Variants in FAM153A observed in about 807,000 individuals in gnomAD.
The protein encoded by FAM153A is protein FAM153A.
FAM153A carries 12 observed loss-of-function variants against 48.1 expected under a neutral mutation model. That is an observed-to-expected ratio of 0.25 (90% CI 0.16 to 0.40). FAM153A has a LOEUF of 0.40. FAM153A is among the 10% of genes least tolerant of loss of function. The pLI, the probability that FAM153A is intolerant of heterozygous loss-of-function variation, is 1.00. For synonymous variants in FAM153A, 36 were observed against 118.2 expected, an observed-to-expected ratio of 0.30 and a Z score of 4.51; for missense variants, 111 against 345.8, an observed-to-expected ratio of 0.32 and a Z score of 5.38.
intron 16 of FAM153A, among the ~76,000 whole-genome samples, chr5:177,730,664 G>C (rs1397187877): frequency 8.2e-3 from 1,127 of 136,608 alleles, no homozygotes; most frequent in African/African-American, 0.026. Flanking sequence ...GTTGGCCTAG[G>C]AAGAAACTAT....
At position 177,771,328 on chromosome 5, in the gene FAM153A, T is replaced by A. The variant is rs1735942813; in HGVS notation, c.-57+9121A>T. ...CCCTTTCACTGAAAGGTTAAAGAGA[T>A]AAGAAGGACAGATTATAATTGCTTA... On this transcript the variant is annotated intron_variant, in intron 1 of 8. Coordinates refer to the FAM153A transcript ENST00000393518. Among the ~76,000 whole-genome samples, 2 of 97,452 alleles carry A rather than the reference T, an allele frequency of 2.1e-5. 1 individual carries two copies. Among genetic ancestry groups the A allele is most frequent in the South Asian group, 7.4e-4 (2 of 2,720 alleles). The allele number at this position is 97,452 out of a possible 152,430, so 63.9% of individuals were successfully genotyped here. A position where few individuals can be genotyped will look rare whatever the true frequency, so the allele number is the denominator to read the frequency against.
downstream of FAM153A, among the ~76,000 whole-genome samples, chr5:177,709,128 AAAAAGAAAG>A (rs1758138780): frequency 2.2e-5 from 3 of 139,374 alleles, no homozygotes; most frequent in African/African-American, 8.6e-5. Flanking sequence ...AAAAAAAAAA[AAAAAGAAAG>A]AAAAGCCTAG....
the FAM153A span, among the ~76,000 whole-genome samples, chr5:177,696,139 C>T: frequency 1.5e-5 from 2 of 136,576 alleles, no homozygotes; most frequent in Non-Finnish European, 1.5e-5. Context: ...TCCTCACTTC[C>T]CAGACGGGGT....
intron 1 of FAM153A, among the ~76,000 whole-genome samples, chr5:177,765,256 A>G (rs113610350): frequency 0.014 from 1,371 of 97,138 alleles, 481 homozygotes; most frequent in African/African-American, 0.054. Context: ...TAAAGACAAC[A>G]GTGAACATCT....
upstream of FAM153A, among the ~76,000 whole-genome samples, chr5:177,781,885 AT>A (rs1278832484): frequency 0.085 from 5,718 of 67,162 alleles, 1,291 homozygotes; most frequent in African/African-American, 0.13. Flanking sequence ...CGCCCGGCTA[AT>A]TTTTTTTTTT....
chr5:177,707,572 C>A (rs1757977014), downstream of FAM153A, among the ~76,000 whole-genome samples: 1 of 151,740 alleles, frequency 6.6e-6, no homozygotes, highest in Non-Finnish European at 1.5e-5. Context: ...TGTTTTCTTT[C>A]ATTTGTAACA....
chr5:177,753,392 A>C (rs549030585), upstream of FAM153A: 123 of 460,644 alleles, frequency 2.7e-4, no homozygotes, highest in African/African-American at 2.8e-3. Context: ...GTCCATTGTC[A>C]CATCGACAAG....
At chr5:177,699,327 A>G in the FAM153A span, among the ~76,000 whole-genome samples, 1 of 151,400 alleles carries the variant, frequency 6.6e-6, no homozygotes, top group Non-Finnish European at 1.5e-5. Flanking sequence ...AGAAGGAAGG[A>G]AATATTAATG....
chr5:177,778,979 G>C (rs1181183184), intron 1 of FAM153A, among the ~76,000 whole-genome samples: 1 of 113,756 alleles, frequency 8.8e-6, no homozygotes, highest in Admixed American at 9.1e-5. Context: ...CATAGAGAGA[G>C]CCCATCTCTT....
rs560432399 is a variant in FAM153A at position 177,740,595 on chromosome 5, T to C, written c.466+182A>G. On this transcript the variant is annotated intron_variant, in intron 8 of 20. Coordinates refer to ENST00000614127, the Ensembl canonical transcript of FAM153A. ...CCCTGATTGTTCTCTGCATTTTTTTTTTTTGAGATGAAATCTCACTGTGTT... is the reference window on the plus strand; with the variant it reads ...CCCTGATTGTTCTCTGCATTTTTTTCTTTTGAGATGAAATCTCACTGTGTT... Among the ~76,000 whole-genome samples, 12 of 119,424 alleles carry C rather than the reference T, an allele frequency of 1.0e-4. 3 individuals are homozygous for C. The highest frequency in any genetic ancestry group is 3.3e-4 in the African/African-American group (12 of 35,824). 78.3% of individuals were successfully genotyped at this position (119,424 alleles called of 152,430 possible). A position where few individuals can be genotyped will look rare whatever the true frequency, so the allele number is the denominator to read the frequency against.
upstream of FAM153A, among the ~76,000 whole-genome samples, chr5:177,754,711 C>T (rs1276480764): frequency 6.6e-6 from 1 of 151,876 alleles, no homozygotes; most frequent in African/African-American, 2.4e-5. Flanking sequence ...CCACTGCTGA[C>T]ACCCAGGCAA....
downstream of FAM153A, among the ~76,000 whole-genome samples, chr5:177,717,721 T>C (rs1760174443): frequency 8.1e-6 from 1 of 124,156 alleles, no homozygotes; most frequent in Non-Finnish European, 1.7e-5. Flanking sequence ...AATTAGGCAT[T>C]ATTCCCTGTT....
At chr5:177,728,554 T>G (rs1267870647) in intron 18 of FAM153A, among the ~76,000 whole-genome samples, 5 of 53,900 alleles carry the variant, frequency 9.3e-5, no homozygotes, top group Admixed American at 2.2e-4. Context: ...TGTTGGGGTG[T>G]TTTTTTTTTT....
downstream of FAM153A, among the ~76,000 whole-genome samples, chr5:177,719,578 AT>A (rs955334627): frequency 3.1e-4 from 44 of 141,034 alleles, no homozygotes; most frequent in Non-Finnish European, 4.4e-4. Context: ...TTATTTATTT[AT>A]TTTTTTTTCG....
At chr5:177,752,618 C>A (rs1188459717) in intron 1 of FAM153A, among the ~76,000 whole-genome samples, 3 of 31,014 alleles carry the variant, frequency 9.7e-5, no homozygotes, top group East Asian at 9.7e-4. Flanking sequence ...GAGACTCTGC[C>A]AAAAAAAAAA....
rs371457895 is a variant in FAM153A, at chr5:177,739,168, G to A, written c.538-31C>T. On this transcript the variant is annotated intron_variant, in intron 9 of 20. Transcript: ENST00000614127. The stretch of plus-strand genomic sequence containing the variant: ...TTTAGAGAAAGAAAAACACCATGAG[G>A]GTAAGATCATGCTGTCTCTGTGCAC... The A allele has an allele frequency of 1.9e-6, 3 of 1,611,228 alleles. No individual in the cohort carries two copies. In the African/African-American group the frequency reaches 4.1e-5, roughly 22 times the overall value.
intron 25 of FAM153A, among the ~76,000 whole-genome samples, chr5:177,715,824 C>T (rs1027795509): frequency 6.6e-6 from 1 of 151,596 alleles, no homozygotes; most frequent in Admixed American, 6.6e-5. Context: ...CCAACTCAGC[C>T]TCCTGCGCAG....
At chr5:177,728,849 G>C (rs1460605829) in intron 18 of FAM153A, among the ~76,000 whole-genome samples, 174 bp downstream of exon 20, 1 of 147,380 alleles carries the variant, frequency 6.8e-6, no homozygotes, top group African/African-American at 2.6e-5. Flanking sequence ...TTACAGGCGT[G>C]AGCCACTGTG....
chr5:177,737,586 T>A (rs921299966), intron 10 of FAM153A, among the ~76,000 whole-genome samples: 2 of 151,364 alleles, frequency 1.3e-5, no homozygotes, highest in African/African-American at 4.9e-5. Context: ...AATTGTGCAA[T>A]CTCAACCCAC....
Sources: allele counts gnomAD v4.1 joint callset (sites outside exome capture counted in the v4.1 genomes callset), GRCh38; gene constraint gnomAD v4.1.1; transcripts MANE v1.5; gene names NCBI Gene and HGNC (gene_info 2026-07-23, HGNC 2026-07-21).